Variants in MAST2 observed in about 807,000 individuals in gnomAD.
The protein encoded by MAST2 is microtubule associated serine/threonine kinase 2, also known as microtubule-associated serine/threonine-protein kinase 2.
Under a neutral mutation model 147.4 loss-of-function variants are expected in MAST2, and 70 were observed. The ratio of observed to expected loss-of-function variants is 0.47; its 90% CI spans 0.39 to 0.58. MAST2 has a LOEUF of 0.58. Among genes scored for constraint, MAST2 ranks in the 20% least tolerant of loss-of-function variants. The probability of loss-of-function intolerance (pLI) is 0.00; values close to 1 mark genes in which losing one functional copy is unlikely to be tolerated. For synonymous variants in MAST2, 869 were observed against 896.8 expected (o/e 0.97, Z 0.55); for missense variants, 2,080 against 2,302.3 (o/e 0.90, Z 1.98).
rs573346996 is a variant in MAST2, at chr1:45,999,830, T to C, written c.668+2031T>C. On this transcript the variant is annotated intron_variant, in intron 6 of 28. Coordinates refer to ENST00000361297, the MANE Select transcript of MAST2 (RefSeq NM_015112.3). ...AACTAGTACTTTTCAATTCCTGATATTATCTTATTTGCATATTTTCTGTCT... is the reference window on the plus strand; with the variant it reads ...AACTAGTACTTTTCAATTCCTGATACTATCTTATTTGCATATTTTCTGTCT... Among the ~76,000 whole-genome samples, 10 of 152,370 alleles carry C rather than the reference T, an allele frequency of 6.6e-5. No individual in the cohort carries two copies. In the East Asian group the frequency reaches 1.9e-3, roughly 29 times the overall value.
chr1:45,894,552 G>A (rs947683871), intron 4 of MAST2, among the ~76,000 whole-genome samples: 6 of 152,098 alleles, frequency 3.9e-5, no homozygotes, highest in Non-Finnish European at 8.8e-5. Context: ...GTATTACATA[G>A]CAAAAGAATA....
At chr1:45,985,652 C>G (rs889701333) in intron 5 of MAST2, among the ~76,000 whole-genome samples, 2 of 152,168 alleles carry the variant, frequency 1.3e-5, no homozygotes, top group Non-Finnish European at 1.5e-5. Context: ...GATTATCAGA[C>G]AGGCAGCTGG....
intron 5 of MAST2, among the ~76,000 whole-genome samples, chr1:45,971,290 G>A (rs1012026227): frequency 2.0e-5 from 3 of 152,202 alleles, no homozygotes; most frequent in Middle Eastern, 3.2e-3. Context: ...TGGAGCACAG[G>A]TGAGTCTCAG....
At position 46,019,703 on chromosome 1, in the gene MAST2, T is replaced by C; in HGVS notation, c.1290+6T>C. ...CACGTCTCCTGGAATGCCTGGTGAG[T>C]GGACTCTAGGAAAGTCAGGTGGGCA... On this transcript the variant is annotated splice_donor_region_variant and intron_variant, in intron 11 of 28. Transcript: ENST00000361297. The C allele has an allele frequency of 1.9e-6, 3 of 1,613,456 alleles. No individual in the cohort carries two copies. Among genetic ancestry groups the C allele is most frequent in the Non-Finnish European group, 2.5e-6 (3 of 1,179,426 alleles).
At position 46,027,808 on chromosome 1, in the gene MAST2, C is replaced by T. The variant is rs752170935; in HGVS notation, c.1997C>T (p.Thr666Met). The T allele has an allele frequency of 8.1e-6, 13 of 1,614,162 alleles. No individual in the cohort carries two copies. Among genetic ancestry groups the T allele is most frequent in the African/African-American group, 2.7e-5 (2 of 75,032 alleles). Reference protein sequence around the residue: ...LSKIGLMSLTTNLYEGHIEKD... With the variant: ...LSKIGLMSLTMNLYEGHIEKD... ...AAAATTGGCCTCATGAGTCTGACAACGAACTTGTATGAGGGTCATATTGAA... is the reference window on the plus strand; with the variant it reads ...AAAATTGGCCTCATGAGTCTGACAATGAACTTGTATGAGGGTCATATTGAA... Residue 666 changes from threonine to methionine, a missense_variant, in exon 17 of 29, where the codon ACG becomes ATG. Thr to Met is a moderately conservative substitution (Grantham distance 81). Around this residue, in one of 4 missense-constraint regions of MAST2, gnomAD observed 209 missense variants for 309.5 expected, o/e 0.68. Transcript: ENST00000361297.
intron 4 of MAST2, among the ~76,000 whole-genome samples, chr1:45,949,221 A>G (rs1658566262): frequency 1.3e-5 from 2 of 152,164 alleles, no homozygotes; most frequent in South Asian, 4.1e-4. Context: ...GCAAAAATGG[A>G]CAAGTTTAAT....
rs763498278 is a variant in MAST2, at chr1:46,023,747, G to T, written c.1572-25G>T. 4 of 1,608,738 alleles carry T rather than the reference G, an allele frequency of 2.5e-6. No homozygotes were observed. In the South Asian group the frequency reaches 4.4e-5, roughly 18 times the overall value. ...AGCTCAGGTGCTGAGGGTCCATGGG[G>T]GATGGGCCGGACTTTGTTTCCCAGG... On this transcript the variant is annotated intron_variant, in intron 14 of 28. Transcript: ENST00000361297. This position sits in a 1 kb window ranked among gnomAD's most constrained non-coding sequence, Gnocchi z 4.9.
chr1:45,820,893 C>CTTTTTTTTTTTTTTTTTTTTTTTTTTT (rs769508054), intron 1 of MAST2, among the ~76,000 whole-genome samples: 7 of 43,076 alleles, frequency 1.6e-4, no homozygotes, highest in African/African-American at 2.9e-4. Context: ...CTTTCTTTCT[C>CTTTTTTTTTTTTTTTTTTTTTTTTTTT]TTTTTTTTTT....
chr1:45,900,027 AGGCAT>A (rs1229015524), intron 4 of MAST2, among the ~76,000 whole-genome samples: 2 of 151,602 alleles, frequency 1.3e-5, no homozygotes, highest in South Asian at 4.2e-4. Flanking sequence ...AAAATTAGCC[AGGCAT>A]GGTGGTGTGC....
intron 1 of MAST2, among the ~76,000 whole-genome samples, chr1:45,818,697 T>C (rs947363490): frequency 3.3e-5 from 5 of 152,224 alleles, no homozygotes; most frequent in Admixed American, 3.3e-4. Flanking sequence ...CCTTCAAGGC[T>C]TGCCTCCTTT....
intron 4 of MAST2, among the ~76,000 whole-genome samples, chr1:45,916,012 TGA>T (rs1453421139): frequency 4.6e-5 from 7 of 152,198 alleles, no homozygotes; most frequent in African/African-American, 1.7e-4. Flanking sequence ...AAAAAAATGT[TGA>T]GTTTGTGGAA....
At position 45,825,818 on chromosome 1, in the gene MAST2, C is replaced by T. The variant is rs529090129; in HGVS notation, c.325+1238C>T. 1.8e-4 allele frequency among the ~76,000 whole-genome samples: 28 copies of T among 151,648 alleles called. No individual in the cohort carries two copies. In the South Asian group the frequency reaches 3.6e-3, roughly 19 times the overall value. On this transcript the variant is annotated intron_variant, in intron 2 of 28. Transcript: ENST00000361297. Reference sequence around the variant, plus strand: ...GTGGCTGGGTGTGGTGGCTCACGCCCGTAATCACAGCACTTTGGGAGACCA... The same window carrying T: ...GTGGCTGGGTGTGGTGGCTCACGCCTGTAATCACAGCACTTTGGGAGACCA...
chr1:45,943,465 G>A (rs1657603077), intron 4 of MAST2, among the ~76,000 whole-genome samples: 1 of 152,212 alleles, frequency 6.6e-6, no homozygotes, highest in Non-Finnish European at 1.5e-5. Flanking sequence ...GTCACAAGAT[G>A]TTTAGGGTTG....
At chr1:45,841,485 G>T (rs1192164574) in intron 3 of MAST2, among the ~76,000 whole-genome samples, 1 of 151,818 alleles carries the variant, frequency 6.6e-6, no homozygotes, top group Non-Finnish European at 1.5e-5. Flanking sequence ...CTGTGATACA[G>T]TAAGAAATAC....
chr1:46,011,719 CCT>C (rs1261178302), intron 10 of MAST2, among the ~76,000 whole-genome samples: 2 of 152,184 alleles, frequency 1.3e-5, no homozygotes, highest in East Asian at 1.9e-4. Flanking sequence ...CAGACCAAGA[CCT>C]CTCTCTCTGG....
chr1:46,006,289 A>T lies in MAST2; in HGVS notation c.796A>T (p.Thr266Ser). ...EKLHQLPFQP[T>S]ADELHFLTKH... The stretch of plus-strand genomic sequence containing the variant: ...GCTGCATCAGTTGCCTTTCCAGCCT[A>T]CAGCTGATGAGCTGCACTTTTTGAC... Residue 266 changes from threonine to serine, a missense_variant, in exon 8 of 29, where the codon ACA (threonine) becomes TCA (serine). Physicochemically the swap from Thr to Ser is moderately conservative, Grantham distance 58 (BLOSUM62 1). This residue lies in a region of MAST2 where 569 missense variants were observed against 642.5 expected (regional missense o/e 0.89). Coordinates refer to ENST00000361297, the MANE Select transcript of MAST2 (RefSeq NM_015112.3). 6.2e-7 allele frequency: 1 copy of T among 1,613,736 alleles called. No individual in the cohort carries two copies. The highest frequency in any genetic ancestry group is 8.5e-7 in the Non-Finnish European group (1 of 1,179,782).
chr1:45,855,709 C>T (rs1319058976), intron 3 of MAST2, among the ~76,000 whole-genome samples: 1 of 151,864 alleles, frequency 6.6e-6, no homozygotes, highest in African/African-American at 2.4e-5. Flanking sequence ...GATCTTGTAT[C>T]CGGTGAGTTT....
chr1:45,928,593 T>C, intron 4 of MAST2, among the ~76,000 whole-genome samples: 1 of 151,894 alleles, frequency 6.6e-6, no homozygotes, highest in Admixed American at 6.6e-5. Flanking sequence ...TTTCTTTTTT[T>C]CCTTTTGAGA....
chr1:45,895,234 T>C (rs1377943009), intron 4 of MAST2, among the ~76,000 whole-genome samples: 1 of 152,202 alleles, frequency 6.6e-6, no homozygotes, highest in Non-Finnish European at 1.5e-5. Flanking sequence ...TACCACTATT[T>C]GATGGATATT....
Sources: allele counts gnomAD v4.1 joint callset (sites outside exome capture counted in the v4.1 genomes callset), GRCh38; gene constraint gnomAD v4.1.1; regional missense constraint gnomAD v4.1.1; non-coding constraint Gnocchi (gnomAD v3.1); transcripts MANE v1.5; gene names NCBI Gene and HGNC (gene_info 2026-07-23, HGNC 2026-07-21).